The following SLC39A14 variants were observed in gnomAD, a reference collection of about 807,000 sequenced individuals.
The protein encoded by SLC39A14 is metal cation symporter ZIP14.
A neutral mutation model predicts 45.5 loss-of-function variants in SLC39A14; 19 were observed. The ratio of observed to expected loss-of-function variants is 0.42; its 90% CI spans 0.29 to 0.61. SLC39A14 has a LOEUF of 0.61. SLC39A14 is among the 20% of genes least tolerant of loss of function. SLC39A14 has a pLI of 0.22. For missense variants in SLC39A14, 447 were observed against 616.5 expected (o/e 0.73, Z 2.91); for synonymous variants, 264 against 251.3 (o/e 1.05, Z -0.48).
Position 22,404,788 on chromosome 8 carries a change from T to C in SLC39A14, c.78T>C (p.Pro26=), listed in dbSNP as rs781427114. The C allele has an allele frequency of 1.9e-6, 3 of 1,613,474 alleles. No homozygotes were observed. The highest frequency in any genetic ancestry group is 2.5e-6 in the Non-Finnish European group (3 of 1,179,478). ...LTLLGLWRTT[P]EAHASSLGAP... is the part of the protein sequence containing the mutation. ...TGCTTGGCTTATGGAGAACCACCCC[T>C]GAGGCTCACGCTTCATCCCTGGGTG... Residue 26 remains proline, a synonymous_variant, in exon 2 of 9, where the codon CCT becomes CCC. Coordinates refer to ENST00000381237, the MANE Select transcript of SLC39A14 (RefSeq NM_001128431.4).
At chr8:22,392,483 T>TG (rs760575784) in intron 1 of SLC39A14, among the ~76,000 whole-genome samples, 1 of 152,072 alleles carries the variant, frequency 6.6e-6, no homozygotes, top group Non-Finnish European at 1.5e-5. Flanking sequence ...TTCTGCTTCA[T>TG]GGGGGTGACG....
chr8:22,372,035 C>T (rs1832968222), intron 1 of SLC39A14, among the ~76,000 whole-genome samples: 1 of 152,128 alleles, frequency 6.6e-6, no homozygotes, highest in African/African-American at 2.4e-5. Flanking sequence ...GAGCCACTTG[C>T]ACCCGGCCCC....
rs117116925 is a variant in SLC39A14 at position 22,378,999 on chromosome 8, T to C, written c.-16+11591T>C. Among the ~76,000 whole-genome samples, 678 of 152,306 alleles carry C rather than the reference T, an allele frequency of 4.5e-3. 3 individuals are homozygous for C. Among genetic ancestry groups the C allele is most frequent in the Non-Finnish European group, 7.6e-3 (516 of 68,028 alleles). On this transcript the variant is annotated intron_variant, in intron 1 of 8. Transcript: ENST00000381237. ...AGGCCAGCAGTGTGAAATGCAGGTGTCACCAGGACCATACTCCTTCTGACA... is the reference window on the plus strand; with the variant it reads ...AGGCCAGCAGTGTGAAATGCAGGTGCCACCAGGACCATACTCCTTCTGACA...
At chr8:22,416,042 C>T in intron 6 of SLC39A14, 31 bp from the exon 7 acceptor site, 1 of 1,612,070 alleles carries the variant, frequency 6.2e-7, no homozygotes, top group South Asian at 1.1e-5. Context: ...GCCTTTGACG[C>T]TGTGGGCCCT....
At chr8:22,388,826 G>A (rs1446758382) in intron 1 of SLC39A14, among the ~76,000 whole-genome samples, 2 of 152,158 alleles carry the variant, frequency 1.3e-5, no homozygotes, top group African/African-American at 4.8e-5. Flanking sequence ...GAGGAATTAT[G>A]ATTCACTTGT....
intron 1 of SLC39A14, among the ~76,000 whole-genome samples, chr8:22,382,630 G>T (rs563221793): frequency 1.6e-4 from 25 of 152,254 alleles, no homozygotes; most frequent in African/African-American, 5.5e-4. Context: ...TATGATCCGG[G>T]CACTGCACTA....
At chr8:22,402,625 C>T (rs773708593) in intron 1 of SLC39A14, among the ~76,000 whole-genome samples, 8 of 151,732 alleles carry the variant, frequency 5.3e-5, no homozygotes, top group East Asian at 3.9e-4. Context: ...CAAAATTAGC[C>T]GGGTATGGTG....
chr8:22,422,877 G>A (rs1342508970), downstream of SLC39A14: 1 of 209,412 alleles, frequency 4.8e-6, no homozygotes, highest in East Asian at 1.8e-4. Flanking sequence ...AGGCTGGAGT[G>A]CAGTGGTGCG....
chr8:22,404,629 G>T, intron 1 of SLC39A14, 67 bp from the exon 2 acceptor site: 1 of 1,471,952 alleles, frequency 6.8e-7, no homozygotes. Flanking sequence ...TGTGTGGCGG[G>T]CGGGCCTGGC....
chr8:22,389,760 G>C (rs1833970645), intron 1 of SLC39A14: 1 of 152,336 alleles, frequency 6.6e-6, no homozygotes, highest in Non-Finnish European at 1.5e-5. Context: ...GGCACATTTT[G>C]CTCAGGGTAT....
At chr8:22,391,663 C>T (rs1017227506) in intron 1 of SLC39A14, among the ~76,000 whole-genome samples, 4 of 151,980 alleles carry the variant, frequency 2.6e-5, no homozygotes, top group South Asian at 2.1e-4. Flanking sequence ...TTCTGTCTCC[C>T]GGGTTCAAGC....
intron 1 of SLC39A14, among the ~76,000 whole-genome samples, chr8:22,389,558 C>T (rs1299121062): frequency 6.6e-6 from 1 of 152,066 alleles, no homozygotes; most frequent in East Asian, 1.9e-4. Context: ...GCTGCCCATC[C>T]AAGCATGCCT....
chr8:22,370,305 C>A (rs1299785755), intron 1 of SLC39A14, among the ~76,000 whole-genome samples: 1 of 152,166 alleles, frequency 6.6e-6, no homozygotes, highest in Admixed American at 6.5e-5. Context: ...AAACTCAATC[C>A]CTGTCCAACA....
downstream of SLC39A14, among the ~76,000 whole-genome samples, chr8:22,424,184 TTTCTC>T (rs917716502): frequency 2.0e-5 from 3 of 152,288 alleles, no homozygotes; most frequent in African/African-American, 4.8e-5. Flanking sequence ...ATCACCCTGT[TTTCTC>T]TTACATAAAC....
rs1586614556 is a variant in SLC39A14 at position 22,367,492 on chromosome 8, G to C, written c.-16+84G>C. On this transcript the variant is annotated intron_variant, in intron 1 of 8. Transcript: ENST00000381237. This position sits in a 1 kb window ranked among gnomAD's most constrained non-coding sequence, Gnocchi z 4.2. ...CAGGCTGGGGCAGTGGGTGGGGGCG[G>C]GGACAGCCCTGCGCCGAGGACCGGG... The C allele has an allele frequency of 6.6e-6, 1 of 152,206 alleles. No individual in the cohort carries two copies. Among genetic ancestry groups the C allele is most frequent in the South Asian group, 2.1e-4 (1 of 4,838 alleles). 9.4% of individuals were successfully genotyped at this position (152,206 alleles called of 1,614,324 possible). A position where few individuals can be genotyped will look rare whatever the true frequency, so the allele number is the denominator to read the frequency against.
intron 1 of SLC39A14, chr8:22,398,600 T>G: frequency 2.5e-6 from 1 of 394,042 alleles, no homozygotes; most frequent in Non-Finnish European, 3.5e-6. Context: ...TCTGAGGCCT[T>G]GTTGGTTTCT....
chr8:22,404,683 T>G lies in SLC39A14; in HGVS notation c.-15-13T>G. On this transcript the variant is annotated splice_polypyrimidine_tract_variant and intron_variant, in intron 1 of 8. Coordinates refer to ENST00000381237, the MANE Select transcript of SLC39A14 (RefSeq NM_001128431.4). ...GGAGAGGCCTCAGCTTCACCTGCCT[T>G]TTTCTCTCACAGGTTTATTCAGTCA... 6.2e-7 allele frequency: 1 copy of G among 1,602,094 alleles called. No individual in the cohort carries two copies. The highest frequency in any genetic ancestry group is 8.5e-7 in the Non-Finnish European group (1 of 1,173,464).
chr8:22,423,857 G>C (rs150809156), downstream of SLC39A14, among the ~76,000 whole-genome samples: 77 of 143,718 alleles, frequency 5.4e-4, no homozygotes, highest in African/African-American at 1.9e-3. Flanking sequence ...TACAGATAAA[G>C]TTTTATATCT....
intron 8 of SLC39A14, 121 bp from the exon 9 acceptor site, chr8:22,419,431 C>T (rs113564490): frequency 1.1e-6 from 1 of 914,202 alleles, no homozygotes; most frequent in East Asian, 2.5e-5. Flanking sequence ...TGAGCCGCTG[C>T]ACCTGGCCCT....
Sources: gnomAD v4.1 joint callset for allele counts (sites outside exome capture counted in the v4.1 genomes callset) on GRCh38, gnomAD v4.1.1 for gene constraint, Gnocchi (gnomAD v3.1) non-coding constraint, MANE v1.5 for transcripts, NCBI Gene and HGNC (gene_info 2026-07-23, HGNC 2026-07-21) for gene names.